Variants in LYPLAL1 observed in about 807,000 individuals in gnomAD.
LYPLAL1 encodes lysophospholipase like 1, also known as lysophospholipase-like protein 1.
In LYPLAL1, 23 loss-of-function variants were observed where a neutral mutation model predicts 19.7. That is an observed-to-expected ratio of 1.17 (90% CI 0.84 to 1.65). LYPLAL1 has a LOEUF of 1.65. LYPLAL1 is among the 40% of genes most tolerant of loss of function. LYPLAL1 has a pLI of 0.00. For synonymous variants in LYPLAL1, 119 were observed against 96.3 expected (o/e 1.24, Z -1.38); for missense variants, 355 against 279.4 (o/e 1.27, Z -1.93).
chr1:219,199,106 A>C (rs1657857386), intron 3 of LYPLAL1, among the ~76,000 whole-genome samples: 1 of 152,234 alleles, frequency 6.6e-6, no homozygotes, highest in Non-Finnish European at 1.5e-5. Flanking sequence ...CATTCAGTGA[A>C]AAAAAGCATT....
the LYPLAL1 span, among the ~76,000 whole-genome samples, chr1:219,337,747 G>A: frequency 3.3e-5 from 5 of 152,122 alleles, no homozygotes; most frequent in East Asian, 3.9e-4. Context: ...ACACAGCCAT[G>A]CCTATTTGTT....
chr1:219,180,647 CAT>C (rs1222614316), intron 2 of LYPLAL1, among the ~76,000 whole-genome samples: 2 of 152,132 alleles, frequency 1.3e-5, no homozygotes, highest in East Asian at 1.9e-4. Flanking sequence ...AAGGAAGAAA[CAT>C]AGTGGTATTT....
chr1:219,180,794 G>A (rs1018667731), intron 2 of LYPLAL1, among the ~76,000 whole-genome samples: 2 of 152,144 alleles, frequency 1.3e-5, no homozygotes, highest in Non-Finnish European at 2.9e-5. Context: ...TACCAATTGT[G>A]ATAGGAATTC....
chr1:219,266,534 C>T, the LYPLAL1 span, among the ~76,000 whole-genome samples: 1 of 151,814 alleles, frequency 6.6e-6, no homozygotes, highest in Admixed American at 6.6e-5. Context: ...TAGGAGTATA[C>T]TCTAAAATAA....
chr1:219,359,692 A>G, the LYPLAL1 span, among the ~76,000 whole-genome samples: 18 of 152,344 alleles, frequency 1.2e-4, no homozygotes, highest in East Asian at 3.1e-3. Flanking sequence ...ACAGACACAC[A>G]AAGGTAATGA....
At chr1:219,311,408 G>T in the LYPLAL1 span, among the ~76,000 whole-genome samples, 1 of 152,102 alleles carries the variant, frequency 6.6e-6, no homozygotes, top group Non-Finnish European at 1.5e-5. Flanking sequence ...GAACATATTT[G>T]CTTGGAACTA....
chr1:219,274,360 AG>A, the LYPLAL1 span, among the ~76,000 whole-genome samples: 2 of 152,124 alleles, frequency 1.3e-5, no homozygotes, highest in Admixed American at 1.3e-4. Context: ...TTTTAACTGA[AG>A]AAAACTTGAA....
the LYPLAL1 span, among the ~76,000 whole-genome samples, chr1:219,254,698 G>A: frequency 6.6e-6 from 1 of 151,990 alleles, no homozygotes; most frequent in African/African-American, 2.4e-5. Flanking sequence ...TTTCTGTCTA[G>A]CTGCCTTTAA....
chr1:219,207,228 A>G lies in LYPLAL1; in HGVS notation c.362-3304A>G, dbSNP rs1035163620. Among the ~76,000 whole-genome samples the G allele has an allele frequency of 5.3e-5, 8 of 151,998 alleles. 1 individual carries two copies. Among genetic ancestry groups the G allele is most frequent in the Non-Finnish European group, 7.4e-5 (5 of 67,912 alleles). ...TGTGGATTTTCTTTAAATGGTGACCATATTTTAACTTTTTGTTTTTACCCA... is the reference window on the plus strand; with the variant it reads ...TGTGGATTTTCTTTAAATGGTGACCGTATTTTAACTTTTTGTTTTTACCCA... On this transcript the variant is annotated intron_variant, in intron 3 of 4. Coordinates refer to ENST00000366928, the MANE Select transcript of LYPLAL1 (RefSeq NM_138794.5).
chr1:219,357,897 CT>C, the LYPLAL1 span, among the ~76,000 whole-genome samples: 2 of 152,144 alleles, frequency 1.3e-5, no homozygotes, highest in East Asian at 3.9e-4. Flanking sequence ...ATGGATAGAT[CT>C]TAAATGCGTA....
chr1:219,181,827 A>G (rs1275846450), intron 2 of LYPLAL1, among the ~76,000 whole-genome samples: 1 of 152,024 alleles, frequency 6.6e-6, no homozygotes, highest in Non-Finnish European at 1.5e-5. Context: ...TTTATATGAT[A>G]CTTACTTCTG....
At chr1:219,226,219 A>G in the LYPLAL1 span, among the ~76,000 whole-genome samples, 1 of 152,196 alleles carries the variant, frequency 6.6e-6, no homozygotes, top group Non-Finnish European at 1.5e-5. Flanking sequence ...TTGACATGCA[A>G]TACTGAACAA....
intron 3 of LYPLAL1, among the ~76,000 whole-genome samples, chr1:219,208,617 A>C (rs1658761186): frequency 6.6e-6 from 1 of 152,112 alleles, no homozygotes; most frequent in Non-Finnish European, 1.5e-5. Context: ...CCACAGAGAC[A>C]CTTTGTTCAG....
the LYPLAL1 span, among the ~76,000 whole-genome samples, chr1:219,441,112 A>T: frequency 2.2e-4 from 33 of 152,224 alleles, no homozygotes; most frequent in African/African-American, 7.2e-4. Context: ...AATGTGTTTA[A>T]AAAACAAAAG....
chr1:219,245,896 C>T, the LYPLAL1 span, among the ~76,000 whole-genome samples: 2 of 152,094 alleles, frequency 1.3e-5, no homozygotes, highest in Admixed American at 1.3e-4. Flanking sequence ...ACTGTGGACT[C>T]GAGTCGATAA....
chr1:219,333,150 C>T, the LYPLAL1 span, among the ~76,000 whole-genome samples: 2 of 151,984 alleles, frequency 1.3e-5, no homozygotes, highest in African/African-American at 4.8e-5. Context: ...GACTGGGACC[C>T]TTCGTATAAT....
At chr1:219,204,623 G>A (rs1572204454) in intron 3 of LYPLAL1, among the ~76,000 whole-genome samples, 1 of 152,142 alleles carries the variant, frequency 6.6e-6, no homozygotes, top group African/African-American at 2.4e-5. Flanking sequence ...TTCTATTTAG[G>A]TAATGTTTTA....
chr1:219,357,808 A>G, the LYPLAL1 span, among the ~76,000 whole-genome samples: 1 of 152,216 alleles, frequency 6.6e-6, no homozygotes, highest in South Asian at 2.1e-4. Flanking sequence ...ATGTGAATAA[A>G]TAAGCAAATT....
chr1:219,378,182 G>A, the LYPLAL1 span, among the ~76,000 whole-genome samples: 9 of 152,136 alleles, frequency 5.9e-5, no homozygotes, highest in Non-Finnish European at 1.0e-4. Flanking sequence ...CTGTTCTCAC[G>A]CTGCTCATAA....
Sources: allele counts gnomAD v4.1 joint callset (sites outside exome capture counted in the v4.1 genomes callset), GRCh38; gene constraint gnomAD v4.1.1; transcripts MANE v1.5; gene names NCBI Gene and HGNC (gene_info 2026-07-23, HGNC 2026-07-21).